Variants in KIAA2012 observed in about 807,000 individuals in gnomAD.
KIAA2012 encodes uncharacterized protein KIAA2012.
KIAA2012 carries 125 observed loss-of-function variants against 150.6 expected under a neutral mutation model. The ratio of observed to expected loss-of-function variants is 0.83; its 90% CI spans 0.72 to 0.96. The LOEUF is 0.96. KIAA2012 is among the 40% of genes least tolerant of loss of function. The probability of loss-of-function intolerance (pLI) is 0.00; values close to 1 mark genes in which losing one functional copy is unlikely to be tolerated. For synonymous variants in KIAA2012, 462 were observed against 504.7 expected (o/e 0.92, Z 1.13); for missense variants, 1,219 against 1,354.9 (o/e 0.90, Z 1.57).
chr2:202,138,598 C>T, intron 13 of KIAA2012, 90 bp downstream of exon 13: 1 of 863,742 alleles, frequency 1.2e-6, no homozygotes, highest in South Asian at 1.7e-5. Context: ...CAGTGAGACT[C>T]TTTACCTCTC....
intron 22 of KIAA2012, among the ~76,000 whole-genome samples, chr2:202,199,920 ATTTTTTTTT>A (rs71025287): frequency 1.4e-3 from 104 of 76,292 alleles, no homozygotes; most frequent in African/African-American, 5.3e-3. Flanking sequence ...GCCCCTCATA[ATTTTTTTTT>A]TTTTTTTTTT....
chr2:202,086,732 A>G (rs1216844665), intron 2 of KIAA2012, among the ~76,000 whole-genome samples: 1 of 152,174 alleles, frequency 6.6e-6, no homozygotes, highest in Non-Finnish European at 1.5e-5. Context: ...GTTTTCTTTT[A>G]TCTTGAACCT....
At chr2:202,091,051 C>G in intron 3 of KIAA2012, 122 bp downstream of exon 3, 14 of 1,292,020 alleles carry the variant, frequency 1.1e-5, no homozygotes, top group Non-Finnish European at 1.5e-5. Context: ...TGTGTTAAAG[C>G]AAAGTCCCCA....
intron 12 of KIAA2012, among the ~76,000 whole-genome samples, chr2:202,126,890 G>T (rs1013296963): frequency 2.0e-5 from 3 of 152,052 alleles, no homozygotes; most frequent in African/African-American, 7.2e-5. Flanking sequence ...GACTAAGCAT[G>T]GTTCATAGTA....
chr2:202,098,819 T>TGC (rs755324945), intron 5 of KIAA2012, among the ~76,000 whole-genome samples: 5 of 145,050 alleles, frequency 3.4e-5, no homozygotes, highest in Admixed American at 6.9e-5. Flanking sequence ...TGTGTGTGTG[T>TGC]GCACGCGCGC....
chr2:202,146,631 C>CAAAAAA (rs34039489), intron 13 of KIAA2012, among the ~76,000 whole-genome samples: 2 of 76,520 alleles, frequency 2.6e-5, no homozygotes, highest in Non-Finnish European at 4.9e-5. Context: ...GACTCCATCT[C>CAAAAAA]AAAAAAAAAA....
intron 2 of KIAA2012, among the ~76,000 whole-genome samples, chr2:202,077,879 T>G (rs540655831): frequency 2.3e-4 from 35 of 152,050 alleles, no homozygotes; most frequent in African/African-American, 8.2e-4. Context: ...CTTCGGAAAA[T>G]AGAGTACCAT....
intron 7 of KIAA2012, among the ~76,000 whole-genome samples, chr2:202,102,520 T>C (rs1343989523): frequency 6.6e-6 from 1 of 152,234 alleles, no homozygotes; most frequent in African/African-American, 2.4e-5. Flanking sequence ...TCACAAATGC[T>C]ATTTCCTGCA....
intron 11 of KIAA2012, among the ~76,000 whole-genome samples, chr2:202,122,120 G>GCAGACCAGGGC (rs1263210913): frequency 6.6e-6 from 1 of 152,206 alleles, no homozygotes; most frequent in Non-Finnish European, 1.5e-5. Flanking sequence ...GGCCTGAAAG[G>GCAGACCAGGGC]CAGACCAGGG....
intron 8 of KIAA2012, among the ~76,000 whole-genome samples, chr2:202,103,936 A>C (rs1690116222): frequency 1.3e-5 from 2 of 152,336 alleles, no homozygotes; most frequent in Non-Finnish European, 2.9e-5. Flanking sequence ...TCTGGGGCAA[A>C]AAGTGTCCTA....
In KIAA2012 at chr2:202,188,135, T is replaced by G; in HGVS notation, c.2377-17T>G. On this transcript the variant is annotated splice_polypyrimidine_tract_variant and intron_variant, in intron 17 of 23. Coordinates refer to ENST00000498697, the MANE Select transcript of KIAA2012 (RefSeq NM_001277372.4). The stretch of plus-strand genomic sequence containing the variant: ...CTATACATATTATGGTCCCCTTCCT[T>G]GATTTTTCACCTTTAGGAGAGGGAT... 2 of 1,543,340 alleles carry G rather than the reference T, an allele frequency of 1.3e-6. No homozygotes were observed. The highest frequency in any genetic ancestry group is 1.8e-6 in the Non-Finnish European group (2 of 1,142,404).
At chr2:202,133,101 TAA>T (rs376450801) in intron 12 of KIAA2012, among the ~76,000 whole-genome samples, 12 of 74,186 alleles carry the variant, frequency 1.6e-4, no homozygotes, top group African/African-American at 6.0e-4. Flanking sequence ...TGAGACTGTC[TAA>T]AAAAAAATAT....
At chr2:202,090,093 C>T (rs1689679227) in intron 2 of KIAA2012, among the ~76,000 whole-genome samples, 1 of 152,226 alleles carries the variant, frequency 6.6e-6, no homozygotes, top group Admixed American at 6.5e-5. Flanking sequence ...CAATCATCCT[C>T]TGAGAGTTTC....
chr2:202,194,855 G>T (rs1216785827), intron 21 of KIAA2012, among the ~76,000 whole-genome samples: 1 of 152,062 alleles, frequency 6.6e-6, no homozygotes, highest in South Asian at 2.1e-4. Context: ...TGCAACCTCT[G>T]CCTCCCAGGT....
intron 13 of KIAA2012, among the ~76,000 whole-genome samples, chr2:202,141,439 AAAAAAGAAAAAGGAG>A (rs1691195651): frequency 6.6e-6 from 1 of 152,170 alleles, no homozygotes; most frequent in South Asian, 2.1e-4. Flanking sequence ...GAGAGCAATG[AAAAAAGAAAAAGGAG>A]ACAACCAGAC....
intron 13 of KIAA2012, among the ~76,000 whole-genome samples, chr2:202,152,107 T>C (rs12328629): frequency 0.01 from 1,594 of 152,284 alleles, 27 homozygotes; most frequent in African/African-American, 0.035. Context: ...TCTGACTTTT[T>C]CTTCTCCCAT....
intron 12 of KIAA2012, among the ~76,000 whole-genome samples, chr2:202,129,195 G>T (rs948406030): frequency 6.6e-6 from 1 of 151,102 alleles, no homozygotes; most frequent in Non-Finnish European, 1.5e-5. Context: ...ACATCTATTC[G>T]TTGGAACACC....
At chr2:202,166,200 G>A (rs776222831) in intron 15 of KIAA2012, among the ~76,000 whole-genome samples, 46 of 152,140 alleles carry the variant, frequency 3.0e-4, no homozygotes, top group Non-Finnish European at 5.6e-4. Context: ...ATTGCATAAA[G>A]GTTATTCAGA....
chr2:202,184,895 G>C (rs941181028), intron 16 of KIAA2012, 52 bp downstream of exon 16: 1 of 1,451,446 alleles, frequency 6.9e-7, no homozygotes, highest in South Asian at 1.3e-5. Flanking sequence ...TATTTTGTTT[G>C]TATTTTTAAT....
Sources: gnomAD v4.1 joint callset for allele counts (sites outside exome capture counted in the v4.1 genomes callset) on GRCh38, gnomAD v4.1.1 for gene constraint, MANE v1.5 for transcripts, NCBI Gene and HGNC (gene_info 2026-07-23, HGNC 2026-07-21) for gene names.